Variants in GFRA1 observed in about 807,000 individuals in gnomAD.
GFRA1 encodes the protein GDNF family receptor alpha 1, also known as GDNF family receptor alpha-1.
Under a neutral mutation model 51.6 loss-of-function variants are expected in GFRA1, and 16 were observed. The ratio of observed to expected loss-of-function variants is 0.31; its 90% CI spans 0.21 to 0.47. The LOEUF is 0.47. GFRA1 is among the 20% of genes least tolerant of loss of function. The pLI is 1.00. For missense variants in GFRA1, 530 were observed against 594.3 expected (o/e 0.89, Z 1.13); for synonymous variants, 270 against 241.3 (o/e 1.12, Z -1.10).
chr10:116,215,120 C>T (rs933972311), intron 4 of GFRA1, among the ~76,000 whole-genome samples: 17 of 152,108 alleles, frequency 1.1e-4, no homozygotes, highest in African/African-American at 4.1e-4. Context: ...TAAATCATTC[C>T]ATTCTTACTA....
At chr10:116,165,333 T>C (rs990765366) in intron 5 of GFRA1, among the ~76,000 whole-genome samples, 1 of 146,154 alleles carries the variant, frequency 6.8e-6, no homozygotes, top group Non-Finnish European at 1.5e-5. Flanking sequence ...TCCATATGTT[T>C]GAAATGTTGG....
chr10:116,252,477 A>C (rs1968463371), intron 4 of GFRA1, among the ~76,000 whole-genome samples: 1 of 152,166 alleles, frequency 6.6e-6, no homozygotes, highest in African/African-American at 2.4e-5. Flanking sequence ...ATACCAAGTG[A>C]GGTATACAGC....
At position 116,270,928 on chromosome 10, in the gene GFRA1, C is replaced by T. The variant is rs1205432241; in HGVS notation, c.228G>A (p.Met76Ile). Residue 76 changes from methionine to isoleucine, a missense_variant, in exon 3 of 11, where the codon ATG becomes ATA. Coordinates refer to ENST00000355422, the MANE Select transcript of GFRA1 (RefSeq NM_005264.8). ...AGAGCGACTTCTGCTTCAGGGCCTC[C>T]ATGGCGCTGCGGCACTCATCCTTGG... is the stretch of plus-strand genomic sequence containing the variant. ...LEAKDECRSA[M>I]EALKQKSLYN... is the part of the protein sequence containing the mutation. 2 of 1,614,068 alleles carry T rather than the reference C, an allele frequency of 1.2e-6. No homozygotes were observed. Among genetic ancestry groups the T allele is most frequent in the Non-Finnish European group, 1.7e-6 (2 of 1,180,040 alleles).
intron 5 of GFRA1, among the ~76,000 whole-genome samples, chr10:116,195,755 C>CA (rs1487062820): frequency 3.3e-5 from 5 of 152,206 alleles, no homozygotes; most frequent in Non-Finnish European, 7.3e-5. Flanking sequence ...TTTGGGCACT[C>CA]AGATTTTCCT....
intron 3 of GFRA1, 38 bp from the exon 4 acceptor site, chr10:116,269,624 A>T: frequency 8.0e-7 from 1 of 1,250,458 alleles, no homozygotes; most frequent in South Asian, 1.2e-5. Flanking sequence ...GATCAGAAAA[A>T]CATATATTTC....
chr10:116,096,881 GCACA>G (rs1032555165), intron 6 of GFRA1, 117 bp from the exon 7 acceptor site: 8 of 218,016 alleles, frequency 3.7e-5, no homozygotes, highest in African/African-American at 9.2e-5. Context: ...ACACGCACAC[GCACA>G]CACACACACA....
rs1954578591 is a variant in GFRA1, at chr10:116,057,076, T to C, written c.*7322A>G. 1 of 152,160 alleles carries C rather than the reference T, an allele frequency of 6.6e-6. No individual in the cohort carries two copies. Among genetic ancestry groups the C allele is most frequent in the Non-Finnish European group, 1.5e-5 (1 of 68,038 alleles). The allele number at this position is 152,160 out of a possible 1,614,324, so 9.4% of individuals were successfully genotyped here. A position where few individuals can be genotyped will look rare whatever the true frequency, so the allele number is the denominator to read the frequency against. On this transcript the variant is annotated 3_prime_UTR_variant, in exon 11 of 11. Coordinates refer to ENST00000355422, the MANE Select transcript of GFRA1 (RefSeq NM_005264.8). ...CTTCCAAAGTCCATATTGCAAAACT[T>C]GTACTTCTACAGGAGATGTTCTTCC...
At chr10:116,184,112 T>C (rs1355596690) in intron 5 of GFRA1, among the ~76,000 whole-genome samples, 2 of 152,236 alleles carry the variant, frequency 1.3e-5, no homozygotes, top group African/African-American at 4.8e-5. Flanking sequence ...TCATTTGTTT[T>C]TGCATCAGCC....
chr10:116,172,381 C>A (rs1961116769), intron 5 of GFRA1, among the ~76,000 whole-genome samples: 1 of 151,968 alleles, frequency 6.6e-6, no homozygotes, highest in African/African-American at 2.4e-5. Context: ...CAATGAAGGC[C>A]CAGGAACCCT....
At chr10:116,212,129 AGT>A (rs1965238499) in intron 4 of GFRA1, among the ~76,000 whole-genome samples, 3 of 152,244 alleles carry the variant, frequency 2.0e-5, no homozygotes, top group Admixed American at 2.0e-4. Flanking sequence ...GCATGGTCAA[AGT>A]GTGTTAGAAA....
At chr10:116,137,656 A>AGCCAAAAGCTTGGCTT (rs1958387497) in intron 5 of GFRA1, among the ~76,000 whole-genome samples, 1 of 152,230 alleles carries the variant, frequency 6.6e-6, no homozygotes, top group African/African-American at 2.4e-5. Context: ...GGTTCTTAAA[A>AGCCAAAAGCTTGGCTT]GACAGTAGCC....
Position 116,143,656 on chromosome 10 carries a change from TTC to T in GFRA1, c.434-18101_434-18100del, listed in dbSNP as rs3837365. Among the ~76,000 whole-genome samples the T allele has an allele frequency of 3.1e-3, 462 of 150,088 alleles. 3 individuals carry two copies. Among genetic ancestry groups the T allele is most frequent in the African/African-American group, 9.1e-3 (373 of 40,918 alleles). ...GGGTTCCTTGTCCTAGTTTCATTCA[TTC>T]TCTCTCTCTCTCTCTCTCTCTCCCA... On this transcript the variant is annotated intron_variant, in intron 5 of 10. Transcript: ENST00000355422.
rs1281778047 is a variant in GFRA1, at chr10:116,060,665, A to C, written c.*3733T>G. 6.6e-6 allele frequency: 1 copy of C among 152,178 alleles called. No homozygotes were observed. The highest frequency in any genetic ancestry group is 1.5e-5 in the Non-Finnish European group (1 of 68,040). The allele number at this position is 152,178 out of a possible 1,614,324, so 9.4% of individuals were successfully genotyped here. On this transcript the variant is annotated 3_prime_UTR_variant, in exon 11 of 11. Coordinates refer to ENST00000355422, the MANE Select transcript of GFRA1 (RefSeq NM_005264.8). Reference sequence around the variant, plus strand: ...GGTGTCACATAGTCTGATGTGCTTTATCAAAGAACAGAGGCAAGAGCAAGA... The same window carrying C: ...GGTGTCACATAGTCTGATGTGCTTTCTCAAAGAACAGAGGCAAGAGCAAGA...
At chr10:116,191,505 C>T (rs955767883) in intron 5 of GFRA1, among the ~76,000 whole-genome samples, 7 of 152,198 alleles carry the variant, frequency 4.6e-5, no homozygotes, top group African/African-American at 1.7e-4. Flanking sequence ...CACAGCATCA[C>T]ACAGACTGAC....
chr10:116,171,567 C>T (rs1370575947), intron 5 of GFRA1, among the ~76,000 whole-genome samples: 1 of 152,192 alleles, frequency 6.6e-6, no homozygotes, highest in Non-Finnish European at 1.5e-5. Context: ...TCTTTATTCT[C>T]TCTGGTTTAT....
At chr10:116,091,087 C>A (rs1446647170) in intron 8 of GFRA1, among the ~76,000 whole-genome samples, 1 of 152,226 alleles carries the variant, frequency 6.6e-6, no homozygotes, top group Non-Finnish European at 1.5e-5. Flanking sequence ...AGAAGAACCA[C>A]CACTGCTACC....
chr10:116,218,261 G>A (rs1589882156), intron 4 of GFRA1, among the ~76,000 whole-genome samples: 1 of 152,198 alleles, frequency 6.6e-6, no homozygotes, highest in East Asian at 1.9e-4. Flanking sequence ...CATTTAGGGG[G>A]CTCAGCTAGC....
At chr10:116,187,185 A>C (rs1451828000) in intron 5 of GFRA1, among the ~76,000 whole-genome samples, 1 of 152,242 alleles carries the variant, frequency 6.6e-6, no homozygotes, top group Admixed American at 6.5e-5. Flanking sequence ...TAAAAGCACC[A>C]AGTAGTCTAG....
intron 5 of GFRA1, among the ~76,000 whole-genome samples, chr10:116,204,275 T>A (rs1484868275): frequency 6.6e-6 from 1 of 152,230 alleles, no homozygotes; most frequent in Non-Finnish European, 1.5e-5. Context: ...GTCGAACACA[T>A]CAAGAGGAGC....
Sources: allele counts gnomAD v4.1 joint callset (sites outside exome capture counted in the v4.1 genomes callset), GRCh38; gene constraint gnomAD v4.1.1; transcripts MANE v1.5; gene names NCBI Gene and HGNC (gene_info 2026-07-23, HGNC 2026-07-21).